SLC25A17: variants seen among roughly 807,000 people sequenced by gnomAD.
The protein encoded by SLC25A17 is peroxisomal membrane protein PMP34.
Under a neutral mutation model 38.5 loss-of-function variants are expected in SLC25A17, and 26 were observed. That is an observed-to-expected ratio of 0.68 (90% CI 0.50 to 0.94). The LOEUF (loss-of-function observed/expected upper bound fraction) is 0.94, where lower values mean the gene tolerates loss of function less well. SLC25A17 is among the 40% of genes least tolerant of loss of function. The pLI, the probability that SLC25A17 is intolerant of heterozygous loss-of-function variation, is 0.00. For synonymous variants in SLC25A17, 139 were observed against 136.2 expected (o/e 1.02, Z -0.14); for missense variants, 333 against 372.7 (o/e 0.89, Z 0.88).
chr22:40,792,414 GA>G (rs1249166340), intron 4 of SLC25A17, 110 bp downstream of exon 4: 4 of 847,362 alleles, frequency 4.7e-6, no homozygotes, highest in Non-Finnish European at 6.8e-6. Context: ...AACCAAGTTG[GA>G]AAACTGGCTA....
chr22:40,799,032 G>T lies in SLC25A17; in HGVS notation c.106C>A (p.Arg36=). 1 of 1,610,892 alleles carries T rather than the reference G, an allele frequency of 6.2e-7. No homozygotes were observed. Among genetic ancestry groups the T allele is most frequent in the South Asian group, 1.1e-5 (1 of 90,958 alleles). Residue 36 remains arginine, a synonymous_variant, in exon 2 of 9, where the codon CGA becomes AGA. Coordinates refer to ENST00000435456, the MANE Select transcript of SLC25A17 (RefSeq NM_006358.4). ...VFFPLDTARL[R]LQVDEKRKSK... ...TATGATTTCTACTTACCCTGAAGTCGAAGTCTAGCTGTATCCAGGGGAAAA... is the reference window on the plus strand; with the variant it reads ...TATGATTTCTACTTACCCTGAAGTCTAAGTCTAGCTGTATCCAGGGGAAAA...
intron 1 of SLC25A17, chr22:40,799,739 C>G (rs1022773720): frequency 6.6e-6 from 1 of 152,078 alleles, no homozygotes; most frequent in Admixed American, 6.6e-5. Context: ...CGAATACATA[C>G]AATATTTTAA....
intron 1 of SLC25A17, among the ~76,000 whole-genome samples, chr22:40,803,226 T>C (rs1295826609): frequency 6.6e-6 from 1 of 152,164 alleles, no homozygotes; most frequent in East Asian, 1.9e-4. Context: ...CCCGAGTAGC[T>C]GGAACTGCAG....
At chr22:40,777,444 C>A in intron 5 of SLC25A17, 71 bp from the exon 6 acceptor site, 2 of 1,500,016 alleles carry the variant, frequency 1.3e-6, no homozygotes, top group African/African-American at 1.4e-5. Flanking sequence ...AACATGAATT[C>A]TGTTGAAATG....
At chr22:40,793,304 T>A (rs1458136052) in intron 3 of SLC25A17, among the ~76,000 whole-genome samples, 1 of 152,232 alleles carries the variant, frequency 6.6e-6, no homozygotes, top group East Asian at 1.9e-4. Flanking sequence ...TGGAAAGTCG[T>A]CATTTTGCAA....
intron 1 of SLC25A17, chr22:40,817,365 CTT>C (rs1272154887): frequency 6.6e-6 from 1 of 152,380 alleles, no homozygotes; most frequent in Non-Finnish European, 1.5e-5. Context: ...TTCTCGGCCT[CTT>C]AATGGTTAGC....
chr22:40,790,716 A>T (rs2057378347), intron 4 of SLC25A17, among the ~76,000 whole-genome samples: 1 of 152,224 alleles, frequency 6.6e-6, no homozygotes, highest in Non-Finnish European at 1.5e-5. Flanking sequence ...ACAATTTAAA[A>T]AGCAAAAGAT....
At chr22:40,806,061 G>A (rs1337163345) in intron 1 of SLC25A17, among the ~76,000 whole-genome samples, 2 of 152,140 alleles carry the variant, frequency 1.3e-5, no homozygotes, top group Non-Finnish European at 2.9e-5. Context: ...GTGACTTGGA[G>A]CACCCAGCTG....
At chr22:40,815,356 T>C (rs1338752186) in intron 1 of SLC25A17, among the ~76,000 whole-genome samples, 4 of 152,136 alleles carry the variant, frequency 2.6e-5, no homozygotes, top group Admixed American at 6.6e-5. Flanking sequence ...AGATTGAAGG[T>C]AGCAGACACT....
chr22:40,782,647 A>G (rs1220628352), intron 4 of SLC25A17, among the ~76,000 whole-genome samples: 1 of 152,248 alleles, frequency 6.6e-6, no homozygotes, highest in Non-Finnish European at 1.5e-5. Context: ...ATGGCAAAAC[A>G]AAGGCACAAA....
intron 1 of SLC25A17, chr22:40,817,280 A>G (rs1568992363): frequency 1.3e-5 from 2 of 152,226 alleles, no homozygotes; most frequent in South Asian, 4.1e-4. Flanking sequence ...CGTGGCTTTC[A>G]CTCTTAGTTC....
intron 3 of SLC25A17, 125 bp from the exon 4 acceptor site, chr22:40,792,801 G>T: frequency 1.2e-6 from 1 of 849,060 alleles, no homozygotes; most frequent in Non-Finnish European, 1.8e-6. Context: ...GAATACAAGG[G>T]ACTCCAAACT....
At chr22:40,794,123 T>A (rs1221840480) in intron 3 of SLC25A17, among the ~76,000 whole-genome samples, 1 of 152,210 alleles carries the variant, frequency 6.6e-6, no homozygotes, top group African/African-American at 2.4e-5. Context: ...TTTTGCAAAT[T>A]TTTGTAAATT....
chr22:40,813,008 G>A (rs1236905867), intron 1 of SLC25A17, among the ~76,000 whole-genome samples: 1 of 152,180 alleles, frequency 6.6e-6, no homozygotes, highest in Admixed American at 6.5e-5. Context: ...CAGAGTTAAT[G>A]TAAGTCTTTT....
chr22:40,786,792 G>C (rs887326571), intron 4 of SLC25A17, among the ~76,000 whole-genome samples: 1 of 152,236 alleles, frequency 6.6e-6, no homozygotes, highest in African/African-American at 2.4e-5. Flanking sequence ...GGTGGGGTCA[G>C]AGAGAAGAAG....
chr22:40,811,281 C>A (rs148916110), intron 1 of SLC25A17, among the ~76,000 whole-genome samples: 2 of 148,956 alleles, frequency 1.3e-5, no homozygotes, highest in South Asian at 4.2e-4. Flanking sequence ...AGTAGAGATG[C>A]GGTTTCACTG....
At chr22:40,788,874 T>C (rs1423480352) in intron 4 of SLC25A17, 1 of 259,146 alleles carries the variant, frequency 3.9e-6, no homozygotes, top group Admixed American at 3.9e-5. Flanking sequence ...CTTAGCTTCC[T>C]CAAAAATCAC....
At chr22:40,784,784 C>CAAAA (rs71200616) in intron 4 of SLC25A17, among the ~76,000 whole-genome samples, 3,303 of 94,860 alleles carry the variant, frequency 0.035, no homozygotes, top group East Asian at 0.042. Flanking sequence ...TCAACAACAA[C>CAAAA]AAAAAAAAAA....
At chr22:40,814,276 T>C (rs1021103769) in intron 1 of SLC25A17, among the ~76,000 whole-genome samples, 1 of 152,200 alleles carries the variant, frequency 6.6e-6, no homozygotes, top group African/African-American at 2.4e-5. Context: ...AAGCCTGATA[T>C]CTGTGTCCAA....
Sources: allele counts gnomAD v4.1 joint callset (sites outside exome capture counted in the v4.1 genomes callset), GRCh38; gene constraint gnomAD v4.1.1; transcripts MANE v1.5; gene names NCBI Gene and HGNC (gene_info 2026-07-23, HGNC 2026-07-21).